Variants in NEK1 observed in about 807,000 individuals in gnomAD.
NEK1 encodes serine/threonine-protein kinase Nek1.
In NEK1, 137 loss-of-function variants were observed where a neutral mutation model predicts 182.1. That is an observed-to-expected ratio of 0.75 (90% CI 0.65 to 0.87). The LOEUF (loss-of-function observed/expected upper bound fraction) is 0.87. Ranked by LOEUF, NEK1 falls within the 40% of genes least tolerant of loss-of-function variation. NEK1 has a pLI of 0.00. For missense variants in NEK1, 1,391 were observed against 1,494.4 expected, an observed-to-expected ratio of 0.93 and a Z score of 1.14; for synonymous variants, 513 against 492.2, an observed-to-expected ratio of 1.04 and a Z score of -0.56.
chr4:169,543,239 T>C (rs936751824), intron 18 of NEK1, among the ~76,000 whole-genome samples: 1 of 152,228 alleles, frequency 6.6e-6, no homozygotes, highest in African/African-American at 2.4e-5. Context: ...ATTTATTAAA[T>C]AGGGAATCCT....
intron 32 of NEK1, among the ~76,000 whole-genome samples, chr4:169,406,166 C>T (rs1034702567): frequency 6.6e-6 from 1 of 152,176 alleles, no homozygotes; most frequent in Non-Finnish European, 1.5e-5. Flanking sequence ...TCTCACATTC[C>T]TCCTGCCTTG....
At chr4:169,463,848 G>A (rs1315857373) in intron 26 of NEK1, among the ~76,000 whole-genome samples, 1 of 152,118 alleles carries the variant, frequency 6.6e-6, no homozygotes, top group Non-Finnish European at 1.5e-5. Context: ...GCCCAGGCTA[G>A]TCTTGGACTC....
chr4:169,546,240 T>TACCC lies in NEK1; in HGVS notation c.1563-8333_1563-8330dup, dbSNP rs1391991528. On this transcript the variant is annotated intron_variant, in intron 18 of 35. Transcript: ENST00000507142. Reference sequence around the variant, plus strand: ...TTATTTCTGCCTTAATTTCTTTATTTACCCAGTAGTCATTCAGGAGCAGGT... The same window carrying TACCC: ...TTATTTCTGCCTTAATTTCTTTATTTACCCACCCAGTAGTCATTCAGGAGCAGGT... Among the ~76,000 whole-genome samples the TACCC allele has an allele frequency of 8.2e-3, 1,248 of 152,336 alleles. 14 individuals carry two copies. The highest frequency in any genetic ancestry group is 0.028 in the African/African-American group (1,180 of 41,570).
rs577820736 is a variant in NEK1, at chr4:169,467,851, CCAATCACATTAA to C, written c.2435-4468_2435-4457del. 3.5e-4 allele frequency among the ~76,000 whole-genome samples: 53 copies of C among 152,000 alleles called. 1 individual carries two copies. In the South Asian group the frequency reaches 7.9e-3, roughly 23 times the overall value. Reference sequence around the variant, plus strand: ...AAATTGAGGAGCTCTGGATTTAAATCCAATCACATTAATAATCACATTAAATGTAAATGATCT... The same window carrying C: ...AAATTGAGGAGCTCTGGATTTAAATCTAATCACATTAAATGTAAATGATCT... On this transcript the variant is annotated intron_variant, in intron 26 of 35. Transcript: ENST00000507142.
At chr4:169,551,996 T>C (rs1761496260) in intron 18 of NEK1, among the ~76,000 whole-genome samples, 1 of 151,962 alleles carries the variant, frequency 6.6e-6, no homozygotes, top group African/African-American at 2.4e-5. Flanking sequence ...TTAAAAAGAA[T>C]GTAAGAATGA....
intron 16 of NEK1, among the ~76,000 whole-genome samples, chr4:169,557,800 A>G (rs983699880): frequency 6.6e-6 from 1 of 152,044 alleles, no homozygotes. Context: ...GCGCAGTGGC[A>G]TGTGTCTGTA....
At chr4:169,599,048 G>T in intron 5 of NEK1, 52 bp downstream of exon 5, 2 of 1,385,742 alleles carry the variant, frequency 1.4e-6, no homozygotes, top group Non-Finnish European at 1.0e-6. Flanking sequence ...AACAAATTTT[G>T]AACTACTTCT....
At chr4:169,594,469 G>A (rs1348369839) in intron 5 of NEK1, among the ~76,000 whole-genome samples, 2 of 152,162 alleles carry the variant, frequency 1.3e-5, no homozygotes, top group East Asian at 3.8e-4. Flanking sequence ...ACCATTTACT[G>A]TCTGTGTAAT....
intron 29 of NEK1, among the ~76,000 whole-genome samples, chr4:169,429,463 T>C (rs1416640107): frequency 6.6e-6 from 1 of 152,174 alleles, no homozygotes; most frequent in Non-Finnish European, 1.5e-5. Flanking sequence ...CATATATGTA[T>C]TTGCAGTCCA....
intron 19 of NEK1, among the ~76,000 whole-genome samples, chr4:169,534,204 A>G (rs1049541338): frequency 6.6e-5 from 10 of 152,216 alleles, no homozygotes; most frequent in Admixed American, 5.2e-4. Context: ...CTTAAACACT[A>G]AAAGTCTGAA....
At chr4:169,585,687 C>A in intron 9 of NEK1, 138 bp from the exon 10 acceptor site, 4 of 553,246 alleles carry the variant, frequency 7.2e-6, no homozygotes, top group Non-Finnish European at 9.1e-6. Context: ...AATATGTTTT[C>A]TAGAGCAAAG....
chr4:169,499,163 C>T (rs1459250415), intron 23 of NEK1, among the ~76,000 whole-genome samples: 1 of 152,198 alleles, frequency 6.6e-6, no homozygotes, highest in Non-Finnish European at 1.5e-5. Flanking sequence ...GATCTTCCAT[C>T]ACTGATACCC....
intron 23 of NEK1, among the ~76,000 whole-genome samples, chr4:169,499,619 C>T (rs1262950496): frequency 6.6e-6 from 1 of 152,184 alleles, no homozygotes; most frequent in Non-Finnish European, 1.5e-5. Context: ...TTCCCCCCAA[C>T]AGTCAGGACC....
At chr4:169,503,832 C>A (rs1455550047) in intron 23 of NEK1, among the ~76,000 whole-genome samples, 1 of 152,040 alleles carries the variant, frequency 6.6e-6, no homozygotes, top group Non-Finnish European at 1.5e-5. Context: ...TCAGTAATAT[C>A]CCATAACCAC....
At chr4:169,463,722 T>A (rs972447369) in intron 26 of NEK1, among the ~76,000 whole-genome samples, 5 of 152,186 alleles carry the variant, frequency 3.3e-5, no homozygotes, top group Admixed American at 6.5e-5. Flanking sequence ...GGATTTTGAA[T>A]TTTTTTCAGA....
chr4:169,541,443 G>A (rs975778155), intron 18 of NEK1, among the ~76,000 whole-genome samples: 7 of 152,052 alleles, frequency 4.6e-5, no homozygotes, highest in East Asian at 3.9e-4. Context: ...TATAAGCAAA[G>A]GTAGACTGGT....
At chr4:169,394,854 G>C (rs1730428214) in intron 35 of NEK1, among the ~76,000 whole-genome samples, 1 of 152,136 alleles carries the variant, frequency 6.6e-6, no homozygotes, top group Non-Finnish European at 1.5e-5. Context: ...AAACACCCTA[G>C]TGAATGGAAA....
chr4:169,536,705 GA>G (rs33935920), intron 19 of NEK1, among the ~76,000 whole-genome samples: 13,498 of 152,102 alleles, frequency 0.089, 769 homozygotes, highest in African/African-American at 0.16. Context: ...CATAAGGAAT[GA>G]TGTTGAGAAA....
At chr4:169,500,322 G>A (rs1752195921) in intron 23 of NEK1, among the ~76,000 whole-genome samples, 2 of 152,180 alleles carry the variant, frequency 1.3e-5, no homozygotes, top group South Asian at 4.1e-4. Context: ...ACTAGGAAAG[G>A]GAATTCCCTG....
Sources: allele counts gnomAD v4.1 joint callset (sites outside exome capture counted in the v4.1 genomes callset), GRCh38; gene constraint gnomAD v4.1.1; transcripts MANE v1.5; gene names NCBI Gene and HGNC (gene_info 2026-07-23, HGNC 2026-07-21).